SMAD3: variants seen among roughly 807,000 people sequenced by gnomAD.
The protein encoded by SMAD3 is SMAD family member 3.
SMAD3 carries 12 observed loss-of-function variants against 51.8 expected under a neutral mutation model. That is an observed-to-expected ratio of 0.23 (90% confidence interval 0.15 to 0.38). SMAD3 has a LOEUF of 0.38. SMAD3 is among the 10% of genes least tolerant of loss of function. The pLI, the probability that SMAD3 is intolerant of heterozygous loss-of-function variation, is 1.00. For missense variants in SMAD3, 294 were observed against 565.6 expected (o/e 0.52, Z 4.87); for synonymous variants, 238 against 227.7 (o/e 1.05, Z -0.41).
At chr15:67,161,210 A>C (rs1962421744) in intron 1 of SMAD3, among the ~76,000 whole-genome samples, 1 of 152,064 alleles carries the variant, frequency 6.6e-6, no homozygotes, top group Admixed American at 6.6e-5. Flanking sequence ...TTGTCTTTGG[A>C]CCTTTGTTGA....
At chr15:67,187,631 A>G (rs894123754) in intron 8 of SMAD3, 122 bp downstream of exon 8, 8 of 1,283,484 alleles carry the variant, frequency 6.2e-6, no homozygotes, top group Middle Eastern at 4.0e-4. Flanking sequence ...GAAAGACCAA[A>G]GATCAGAGAG....
intron 1 of SMAD3, among the ~76,000 whole-genome samples, chr15:67,099,221 G>C (rs911178613): frequency 1.3e-5 from 2 of 152,238 alleles, no homozygotes; most frequent in African/African-American, 4.8e-5. Context: ...TCAGCATGCT[G>C]ATTATGGGGA....
At chr15:67,123,521 C>A (rs1367058732) in intron 1 of SMAD3, among the ~76,000 whole-genome samples, 7 of 152,124 alleles carry the variant, frequency 4.6e-5, no homozygotes, top group African/African-American at 1.7e-4. Flanking sequence ...AAAAAGAATT[C>A]TAACATGTTT....
At chr15:67,118,867 G>A (rs1264981303) in intron 1 of SMAD3, among the ~76,000 whole-genome samples, 1 of 152,198 alleles carries the variant, frequency 6.6e-6, no homozygotes, top group African/African-American at 2.4e-5. Context: ...TGTCCCTTGA[G>A]CTCAGGGACA....
At chr15:67,158,713 G>A (rs1180646597) in intron 1 of SMAD3, among the ~76,000 whole-genome samples, 1 of 152,242 alleles carries the variant, frequency 6.6e-6, no homozygotes, top group East Asian at 1.9e-4. Context: ...ACACGGCATT[G>A]TGGTGAGAAT....
At chr15:67,082,855 G>C (rs1960307161) in intron 1 of SMAD3, among the ~76,000 whole-genome samples, 1 of 152,160 alleles carries the variant, frequency 6.6e-6, no homozygotes, top group Non-Finnish European at 1.5e-5. Flanking sequence ...GAACATCTCA[G>C]AGTTAATTAG....
intron 1 of SMAD3, among the ~76,000 whole-genome samples, chr15:67,083,619 TG>T (rs2140206852): frequency 6.6e-6 from 1 of 152,344 alleles, no homozygotes; most frequent in Admixed American, 6.5e-5. Flanking sequence ...AAACTACTTC[TG>T]CTCTCCCTGG....
chr15:67,084,877 C>T, intron 1 of SMAD3, among the ~76,000 whole-genome samples: 1 of 152,198 alleles, frequency 6.6e-6, no homozygotes, highest in East Asian at 1.9e-4. Context: ...TGGAAACCAA[C>T]AATCAGCTCT....
chr15:67,164,885 G>A lies in SMAD3; in HGVS notation c.207-10G>A, dbSNP rs201912204. The A allele has an allele frequency of 2.9e-4, 466 of 1,612,588 alleles. 3 individuals carry two copies. Among genetic ancestry groups the A allele is most frequent in the East Asian group, 1.9e-3 (84 of 44,892 alleles). ...TTTCCCTCTCTTTCTGCCCCTCCCC[G>A]TCCTGGCAGGTCCCTGGATGGCCGG... On this transcript the variant is annotated splice_polypyrimidine_tract_variant and intron_variant, in intron 1 of 8. Coordinates refer to ENST00000327367, the MANE Select transcript of SMAD3 (RefSeq NM_005902.4).
chr15:67,097,412 G>T lies in SMAD3; in HGVS notation c.206+31052G>T, dbSNP rs376066570. 3.0e-3 allele frequency among the ~76,000 whole-genome samples: 457 copies of T among 151,966 alleles called. 8 individuals carry two copies. In the South Asian group the frequency reaches 0.058, roughly 19 times the overall value. ...CATGTTTTTTTTGTTGTTGTTTTTT[G>T]TTGTTGTTTTTTGTAGAAACAGAGT... On this transcript the variant is annotated intron_variant, in intron 1 of 8. Coordinates refer to ENST00000327367, the MANE Select transcript of SMAD3 (RefSeq NM_005902.4).
intron 6 of SMAD3, among the ~76,000 whole-genome samples, chr15:67,182,883 C>T (rs985236321): frequency 1.3e-5 from 2 of 150,246 alleles, no homozygotes; most frequent in Non-Finnish European, 3.0e-5. Context: ...TGCCCAGGCC[C>T]AGTCGCAAAC....
chr15:67,183,024 TATATATA>T (rs1350359473), intron 6 of SMAD3, among the ~76,000 whole-genome samples: 4 of 75,414 alleles, frequency 5.3e-5, no homozygotes, highest in Non-Finnish European at 7.2e-5. Context: ...TATATATATA[TATATATA>T]TTTTTTTTTT....
intron 1 of SMAD3, among the ~76,000 whole-genome samples, chr15:67,111,457 G>A (rs1354981715): frequency 6.6e-6 from 1 of 152,188 alleles, no homozygotes; most frequent in Non-Finnish European, 1.5e-5. Context: ...GAATATTTGT[G>A]TACAAGCTTT....
chr15:67,175,505 C>T (rs539022390), intron 5 of SMAD3, among the ~76,000 whole-genome samples: 4 of 152,316 alleles, frequency 2.6e-5, no homozygotes, highest in Non-Finnish European at 4.4e-5. Flanking sequence ...ACATAGTTCT[C>T]CCTCCCTACT....
chr15:67,192,136 AG>A lies in SMAD3; in HGVS notation c.*1602del, dbSNP rs2140330639. The A allele has an allele frequency of 4.3e-6, 1 of 232,236 alleles. No individual in the cohort carries two copies. Among genetic ancestry groups the A allele is most frequent in the Admixed American group, 5.6e-5 (1 of 17,750 alleles). 14.4% of individuals were successfully genotyped at this position (232,236 alleles called of 1,614,324 possible). A position where few individuals can be genotyped will look rare whatever the true frequency, so the allele number is the denominator to read the frequency against. On this transcript the variant is annotated 3_prime_UTR_variant, in exon 9 of 9. Transcript: ENST00000327367. The stretch of plus-strand genomic sequence containing the variant: ...TCCTGCTTTATTCCAGGTGAAGGGA[AG>A]GAAGTGTATATACTTTTGGCAAGTC...
intron 4 of SMAD3, among the ~76,000 whole-genome samples, chr15:67,169,802 G>A (rs1273964573): frequency 6.6e-6 from 1 of 152,126 alleles, no homozygotes; most frequent in Non-Finnish European, 1.5e-5. Flanking sequence ...GAGCGGGGAC[G>A]AGCAGGATGC....
At chr15:67,073,066 A>T (rs1960091120) in intron 1 of SMAD3, among the ~76,000 whole-genome samples, 1 of 152,138 alleles carries the variant, frequency 6.6e-6, no homozygotes, top group African/African-American at 2.4e-5. Context: ...GGTTCTTTGG[A>T]GTTGTAAGAA....
At chr15:67,070,086 TC>T (rs1960019727) in intron 1 of SMAD3, among the ~76,000 whole-genome samples, 1 of 152,334 alleles carries the variant, frequency 6.6e-6, no homozygotes, top group East Asian at 1.9e-4. Flanking sequence ...AGGAAAAAGA[TC>T]CTAGTCTTTA....
chr15:67,181,183 C>G (rs940657791), intron 5 of SMAD3, 58 bp from the exon 6 acceptor site: 5 of 1,318,942 alleles, frequency 3.8e-6, no homozygotes, highest in Non-Finnish European at 1.1e-6. Flanking sequence ...GGGACCCCAT[C>G]GAGGGAGCAT....
Sources: gnomAD v4.1 joint callset for allele counts (sites outside exome capture counted in the v4.1 genomes callset) on GRCh38, gnomAD v4.1.1 for gene constraint, MANE v1.5 for transcripts, NCBI Gene and HGNC (gene_info 2026-07-23, HGNC 2026-07-21) for gene names.